Variants in CEMIP2 observed in about 807,000 individuals in gnomAD.
CEMIP2 encodes the protein cell surface hyaluronidase CEMIP2.
In CEMIP2, 79 loss-of-function variants were observed where a neutral mutation model predicts 146.9. That is an observed-to-expected ratio of 0.54 (90% confidence interval 0.45 to 0.65). The LOEUF is 0.65. CEMIP2 is among the 30% of genes least tolerant of loss of function. The pLI is 0.00. For missense variants in CEMIP2, 1,596 were observed against 1,696.2 expected (o/e 0.94, Z 1.04); for synonymous variants, 601 against 606.3 (o/e 0.99, Z 0.13).
intron 10 of CEMIP2, among the ~76,000 whole-genome samples, chr9:71,727,343 T>C (rs1823417268): frequency 6.6e-6 from 1 of 152,196 alleles, no homozygotes; most frequent in South Asian, 2.1e-4. Context: ...TTGGTCATCT[T>C]TACTCAAAAA....
intron 5 of CEMIP2, among the ~76,000 whole-genome samples, chr9:71,737,407 CAA>C (rs1206435582): frequency 9.1e-5 from 8 of 87,538 alleles, no homozygotes; most frequent in Admixed American, 1.3e-4. Flanking sequence ...GACTCCGTCT[CAA>C]AAAAAAAAAA....
chr9:71,737,155 C>CAAAA (rs34623620), intron 5 of CEMIP2, among the ~76,000 whole-genome samples: 3 of 107,054 alleles, frequency 2.8e-5, no homozygotes, highest in South Asian at 7.4e-4. Flanking sequence ...AGATCTTTCT[C>CAAAA]AAAAAAAAAA....
At chr9:71,688,250 A>G (rs1440671507) in intron 22 of CEMIP2, among the ~76,000 whole-genome samples, 6 of 151,928 alleles carry the variant, frequency 3.9e-5, no homozygotes, top group Admixed American at 3.9e-4. Flanking sequence ...GTAACATTAG[A>G]TTGATTTATT....
intron 11 of CEMIP2, among the ~76,000 whole-genome samples, chr9:71,724,297 A>G (rs1284235023): frequency 2.6e-5 from 4 of 151,252 alleles, no homozygotes; most frequent in Non-Finnish European, 5.9e-5. Context: ...CTGTCTCAAA[A>G]AAAGAAAAAA....
intron 18 of CEMIP2, among the ~76,000 whole-genome samples, chr9:71,702,862 T>C (rs925056820): frequency 6.6e-6 from 1 of 152,332 alleles, no homozygotes; most frequent in East Asian, 1.9e-4. Flanking sequence ...CTTTACTTGC[T>C]CAGTATCTGA....
rs1361856388 is a variant in CEMIP2 at position 71,748,992 on chromosome 9, T to C, written c.331+1051A>G. On this transcript the variant is annotated intron_variant, in intron 2 of 23. Coordinates refer to ENST00000377044, the MANE Select transcript of CEMIP2 (RefSeq NM_013390.3). ...TGGTACCCAGTCCAGGCTGTTAGAG[T>C]CTTCTCTCTTCACAGCCCCGAGTCC... is the stretch of plus-strand genomic sequence containing the variant. Among the ~76,000 whole-genome samples, 5 of 152,218 alleles carry C rather than the reference T, an allele frequency of 3.3e-5. No homozygotes were observed. In the East Asian group the frequency reaches 9.6e-4, roughly 29 times the overall value.
At chr9:71,686,781 T>C (rs1407037978) in intron 22 of CEMIP2, 1 of 152,214 alleles carries the variant, frequency 6.6e-6, no homozygotes, top group African/African-American at 2.4e-5. Context: ...ACACTGTGCC[T>C]ATTCAGTAAT....
rs1479207809 is a variant in CEMIP2 at position 71,745,311 on chromosome 9, C to A, written c.741G>T (p.Leu247=). 6.2e-7 allele frequency: 1 copy of A among 1,613,718 alleles called. No individual in the cohort carries two copies. The highest frequency in any genetic ancestry group is 1.7e-4 in the Middle Eastern group (1 of 6,058). Residue 247 remains leucine (L), a synonymous_variant, in exon 4 of 24, where the codon CTG becomes CTT. Transcript: ENST00000377044. ...KASWTLLART[L]NSSGLPFGSY... ...ACCCAAAGGGCAAGCCTGAGGAATT[C>A]AGGGTCCTTGCCAACAACGTCCACG...
intron 1 of CEMIP2, among the ~76,000 whole-genome samples, chr9:71,755,346 TACAC>T (rs34581447): frequency 2.1e-3 from 281 of 134,596 alleles, no homozygotes; most frequent in East Asian, 0.014. Flanking sequence ...ACCCTGTCTC[TACAC>T]ACACACACAC....
At chr9:71,701,019 C>T (rs1402685452) in intron 18 of CEMIP2, among the ~76,000 whole-genome samples, 195 bp from the exon 19 acceptor site, 1 of 152,214 alleles carries the variant, frequency 6.6e-6, no homozygotes, top group African/African-American at 2.4e-5. Context: ...TAACAAATCA[C>T]CCACCTTCAT....
chr9:71,769,138 G>A (rs1338356113), upstream of CEMIP2, among the ~76,000 whole-genome samples: 2 of 152,118 alleles, frequency 1.3e-5, no homozygotes, highest in African/African-American at 4.8e-5. Context: ...TACCCTTCCT[G>A]GGCGCGCACA....
In CEMIP2 at chr9:71,685,147, TAA is replaced by T; in HGVS notation, c.*48_*49del. The T allele has an allele frequency of 4.0e-6, 6 of 1,482,382 alleles. No individual in the cohort carries two copies. The highest frequency in any genetic ancestry group is 5.4e-6 in the Non-Finnish European group (6 of 1,102,414). The allele number at this position is 1,482,382 out of a possible 1,614,324, so 91.8% of individuals were successfully genotyped here. A position where few individuals can be genotyped will look rare whatever the true frequency, so the allele number is the denominator to read the frequency against. On this transcript the variant is annotated 3_prime_UTR_variant, in exon 24 of 24. Coordinates refer to ENST00000377044, the MANE Select transcript of CEMIP2 (RefSeq NM_013390.3). ...TCATTTTAAAATGCCATAAATTAAA[TAA>T]GTTAGTTCACATTTTTTTTCCCCCA...
At chr9:71,761,762 G>T (rs994991153) in intron 1 of CEMIP2, among the ~76,000 whole-genome samples, 1 of 152,068 alleles carries the variant, frequency 6.6e-6, no homozygotes, top group Non-Finnish European at 1.5e-5. Flanking sequence ...AGCATTTGGG[G>T]GTAGAAAGAG....
chr9:71,749,813 C>T (rs1035177486), intron 2 of CEMIP2, among the ~76,000 whole-genome samples: 15 of 152,176 alleles, frequency 9.9e-5, no homozygotes, highest in African/African-American at 3.6e-4. Flanking sequence ...TCCAAGACCT[C>T]CCTGAGTGCT....
intron 15 of CEMIP2, among the ~76,000 whole-genome samples, chr9:71,712,957 T>C (rs566032317): frequency 3.3e-5 from 5 of 152,344 alleles, no homozygotes; most frequent in East Asian, 3.9e-4. Flanking sequence ...AGGATCTCTA[T>C]AGCAACTAAT....
At chr9:71,685,503 TA>T in intron 23 of CEMIP2, 110 bp from the exon 24 acceptor site, 1 of 1,272,898 alleles carries the variant, frequency 7.9e-7, no homozygotes, top group Non-Finnish European at 1.0e-6. Flanking sequence ...AGGCAGCTAT[TA>T]AAAAACTCTG....
chr9:71,699,439 A>G (rs1206308303), intron 19 of CEMIP2: 2 of 427,170 alleles, frequency 4.7e-6, no homozygotes, highest in Middle Eastern at 3.6e-4. Context: ...CAACATAGGG[A>G]TACACCGTCT....
rs1438974525 is a variant in CEMIP2, at chr9:71,718,047, T to G, written c.2300A>C (p.Lys767Thr). ...FRPHQDANPEKPRVAALIDRL... is the reference protein window; with the variant it reads ...FRPHQDANPETPRVAALIDRL... ...GTCAATTAGAGCAGCAACACGTGGT[T>G]TTTCGGGGTTTGCATCCTGATGAGG... The change falls in exon 13 of 24, where the codon AAA becomes ACA. Residue 767 changes from lysine to threonine, a missense_variant. Transcript: ENST00000377044. 6.2e-7 allele frequency: 1 copy of G among 1,612,650 alleles called. No homozygotes were observed. The highest frequency in any genetic ancestry group is 8.5e-7 in the Non-Finnish European group (1 of 1,179,292).
intron 10 of CEMIP2, among the ~76,000 whole-genome samples, chr9:71,725,948 G>C (rs1253073204): frequency 6.6e-6 from 1 of 152,016 alleles, no homozygotes; most frequent in Non-Finnish European, 1.5e-5. Flanking sequence ...AGAAATAATT[G>C]GCTGGTATAA....
Sources: allele counts gnomAD v4.1 joint callset (sites outside exome capture counted in the v4.1 genomes callset), GRCh38; gene constraint gnomAD v4.1.1; transcripts MANE v1.5; gene names NCBI Gene and HGNC (gene_info 2026-07-23, HGNC 2026-07-21).